ELP1: variants seen among roughly 807,000 people sequenced by gnomAD.
ELP1 encodes elongator acetyltransferase complex subunit 1.
Under a neutral mutation model 183.2 loss-of-function variants are expected in ELP1, and 131 were observed. The ratio of observed to expected loss-of-function variants is 0.72; its 90% CI spans 0.62 to 0.83. The LOEUF (loss-of-function observed/expected upper bound fraction) is 0.83. ELP1 is among the 40% of genes least tolerant of loss of function. The pLI is 0.00. For synonymous variants in ELP1, 555 were observed against 569.0 expected (o/e 0.98, Z 0.35); for missense variants, 1,550 against 1,594.9 (o/e 0.97, Z 0.48).
At chr9:108,927,515 C>A in intron 3 of ELP1, 62 bp from the exon 4 acceptor site, 2 of 1,229,560 alleles carry the variant, frequency 1.6e-6, no homozygotes, top group South Asian at 2.4e-5. Flanking sequence ...AAACTGACTG[C>A]AACTTCAATC....
intron 10 of ELP1, among the ~76,000 whole-genome samples, chr9:108,914,213 C>T (rs1327719387): frequency 8.6e-5 from 13 of 151,790 alleles, no homozygotes; most frequent in Admixed American, 1.3e-4. Flanking sequence ...TCCTGGCTAA[C>T]GCGGTGAAAC....
intron 6 of ELP1, among the ~76,000 whole-genome samples, chr9:108,922,275 C>T (rs1294522832): frequency 1.3e-5 from 2 of 152,048 alleles, no homozygotes; most frequent in Admixed American, 1.3e-4. Flanking sequence ...CCCCAGGTGC[C>T]CCAAGAGTCT....
At chr9:108,905,752 T>A (rs1160220840) in intron 14 of ELP1, among the ~76,000 whole-genome samples, 1 of 151,924 alleles carries the variant, frequency 6.6e-6, no homozygotes, top group Non-Finnish European at 1.5e-5. Context: ...GCCTATGGGG[T>A]ATGGCCTATT....
chr9:108,881,032 T>C (rs1180101454), intron 31 of ELP1, among the ~76,000 whole-genome samples: 2 of 152,206 alleles, frequency 1.3e-5, no homozygotes, highest in Non-Finnish European at 2.9e-5. Flanking sequence ...TCCACTTTGC[T>C]TTTAAGAGGT....
chr9:108,905,164 A>T (rs1034386976), intron 14 of ELP1, among the ~76,000 whole-genome samples: 3 of 152,248 alleles, frequency 2.0e-5, no homozygotes, highest in African/African-American at 7.2e-5. Flanking sequence ...GTCAAAGAGT[A>T]GCAGCAAATG....
intron 9 of ELP1, among the ~76,000 whole-genome samples, 163 bp from the exon 10 acceptor site, chr9:108,916,460 T>C (rs1456604650): frequency 1.3e-5 from 2 of 152,114 alleles, no homozygotes; most frequent in Admixed American, 6.5e-5. Context: ...ATCTGTAAAA[T>C]ATGTCATTAT....
chr9:108,896,815 T>C (rs1403241174), intron 24 of ELP1, 138 bp downstream of exon 24: 1 of 1,059,376 alleles, frequency 9.4e-7, no homozygotes, highest in Non-Finnish European at 1.5e-6. Context: ...TGAAAAAAAC[T>C]GACAAGGGTC....
chr9:108,906,257 A>G, intron 14 of ELP1, 46 bp downstream of exon 14: 1 of 1,588,418 alleles, frequency 6.3e-7, no homozygotes, highest in Non-Finnish European at 8.6e-7. Flanking sequence ...ACAAAAACCT[A>G]ACTCCATTTG....
chr9:108,920,854 G>GT (rs1457769712), intron 6 of ELP1, among the ~76,000 whole-genome samples: 1 of 151,996 alleles, frequency 6.6e-6, no homozygotes, highest in East Asian at 1.9e-4. Flanking sequence ...AGGATGCTCG[G>GT]TTTTTTTCCC....
rs1443600437 is a variant in ELP1 at position 108,926,547 on chromosome 9, T to A, written c.442A>T (p.Ile148Phe). 2 of 1,613,130 alleles carry A rather than the reference T, an allele frequency of 1.2e-6. No individual in the cohort carries two copies. Among genetic ancestry groups the A allele is most frequent in the South Asian group, 2.2e-5 (2 of 91,074 alleles). The change falls in exon 5 of 37, where the codon ATC becomes TTC. Residue 148 changes from isoleucine to phenylalanine, a missense_variant. Transcript: ENST00000374647. ...CTTTCACCAAAATCATCCTGATGGATCTGCTGCTCCAGGATTGGCTCAAAA... is the reference window on the plus strand; with the variant it reads ...CTTTCACCAAAATCATCCTGATGGAACTGCTGCTCCAGGATTGGCTCAAAA... ...KDFEPILEQQ[I>F]HQDDFGESKF...
chr9:108,903,471 C>A, intron 15 of ELP1, 92 bp downstream of exon 15: 1 of 910,906 alleles, frequency 1.1e-6, no homozygotes, highest in South Asian at 1.3e-5. Flanking sequence ...ACCTGACAAT[C>A]AATATTGAAC....
chr9:108,918,676 T>A, intron 8 of ELP1, 135 bp downstream of exon 8: 1 of 724,936 alleles, frequency 1.4e-6, no homozygotes, highest in Non-Finnish European at 2.5e-6. Context: ...CAAAGATAGA[T>A]ACAGCCTTAT....
chr9:108,901,319 G>T, intron 18 of ELP1, 106 bp downstream of exon 18: 1 of 768,384 alleles, frequency 1.3e-6, no homozygotes, highest in Non-Finnish European at 2.3e-6. Context: ...TCCAGCCTAG[G>T]ACTCCTTGAT....
chr9:108,925,923 G>A (rs866095053), intron 5 of ELP1, among the ~76,000 whole-genome samples: 41 of 152,182 alleles, frequency 2.7e-4, no homozygotes, highest in African/African-American at 9.4e-4. Flanking sequence ...ATTTCTCAGA[G>A]TTGATGGAGC....
chr9:108,875,587 T>C, intron 35 of ELP1: 1 of 303,274 alleles, frequency 3.3e-6, no homozygotes, highest in South Asian at 2.7e-5. Context: ...ACCACAATCA[T>C]AAAATTGATG....
Position 108,900,347 on chromosome 9 carries a change from A to G in ELP1, c.2043T>C (p.His681=), listed in dbSNP as rs147944437. Residue 681 remains histidine, a synonymous_variant, in exon 19 of 37, where the codon CAT becomes CAC. Coordinates refer to ENST00000374647, the MANE Select transcript of ELP1 (RefSeq NM_003640.5). ...KTLQAGLSSN[H]VSHGEVLRKV... ...TCCGCAGAACTTCCCCATGGGACAC[A>G]TGATTGCTGCTCAGGCCGGCCTGTA... 8.7e-6 allele frequency: 14 copies of G among 1,614,080 alleles called. No homozygotes were observed. Among genetic ancestry groups the G allele is most frequent in the Non-Finnish European group, 1.2e-5 (14 of 1,180,008 alleles).
intron 6 of ELP1, among the ~76,000 whole-genome samples, chr9:108,922,030 T>C (rs990450173): frequency 6.6e-6 from 1 of 152,186 alleles, no homozygotes; most frequent in Non-Finnish European, 1.5e-5. Flanking sequence ...CAAGGTCTCA[T>C]AGCTTCTAAA....
At position 108,897,037 on chromosome 9, in the gene ELP1, A is replaced by G. The variant is rs1265217196; in HGVS notation, c.2503T>C (p.Tyr835His). ...TGAGATGTAAGTATGGATAGGCAGT[A>G]TCTGAGGTAATAAGTGAAGAACACC... ...AVMESINPHK[Y>H]CLSILTSHVK... The change falls in exon 24 of 37, where the codon TAC (tyrosine) becomes CAC (histidine). Residue 835 changes from tyrosine to histidine, a missense_variant and splice_region_variant. Physicochemically the swap from Tyr to His is moderately conservative, Grantham distance 83. Transcript: ENST00000374647. 6.2e-7 allele frequency: 1 copy of G among 1,613,776 alleles called. No homozygotes were observed. Among genetic ancestry groups the G allele is most frequent in the East Asian group, 2.2e-5 (1 of 44,894 alleles).
At chr9:108,906,879 C>T (rs1262374105) in intron 13 of ELP1, among the ~76,000 whole-genome samples, 1 of 152,124 alleles carries the variant, frequency 6.6e-6, no homozygotes, top group Non-Finnish European at 1.5e-5. Flanking sequence ...TTCCTAAGCA[C>T]CTCACATTAA....
Sources: allele counts gnomAD v4.1 joint callset (sites outside exome capture counted in the v4.1 genomes callset), GRCh38; gene constraint gnomAD v4.1.1; transcripts MANE v1.5; gene names NCBI Gene and HGNC (gene_info 2026-07-23, HGNC 2026-07-21).